RSRC1: variants seen among roughly 807,000 people sequenced by gnomAD.
The protein encoded by RSRC1 is arginine and serine rich coiled-coil 1.
In RSRC1, 39 loss-of-function variants were observed where a neutral mutation model predicts 49.1. That is an observed-to-expected ratio of 0.79 (90% CI 0.61 to 1.04). The LOEUF is 1.04. Among genes scored for constraint, RSRC1 ranks in the 50% least tolerant of loss-of-function variants. The pLI, the probability that RSRC1 is intolerant of heterozygous loss-of-function variation, is 0.00. For synonymous variants in RSRC1, 143 were observed against 130.8 expected, an observed-to-expected ratio of 1.09 and a Z score of -0.63; for missense variants, 388 against 402.4, an observed-to-expected ratio of 0.96 and a Z score of 0.31.
intron 3 of RSRC1, among the ~76,000 whole-genome samples, chr3:158,177,334 C>T (rs752598548): frequency 5.3e-5 from 8 of 152,180 alleles, no homozygotes; most frequent in Non-Finnish European, 7.3e-5. Flanking sequence ...TATAAAAACA[C>T]ATGCACACAT....
intron 3 of RSRC1, among the ~76,000 whole-genome samples, chr3:158,165,749 T>A (rs1419155907): frequency 6.6e-6 from 1 of 152,254 alleles, no homozygotes; most frequent in African/African-American, 2.4e-5. Flanking sequence ...CTGTCTCTTC[T>A]TATTCCATAT....
chr3:158,503,027 G>A (rs974462313), intron 7 of RSRC1, among the ~76,000 whole-genome samples: 4 of 152,128 alleles, frequency 2.6e-5, no homozygotes, highest in Admixed American at 2.6e-4. Flanking sequence ...TCTGTCAGAG[G>A]GAAGGTCTAG....
rs547176551 is a variant in RSRC1, at chr3:158,200,753, A to G, written c.321-2319A>G. Among the ~76,000 whole-genome samples, 4 of 152,222 alleles carry G rather than the reference A, an allele frequency of 2.6e-5. No individual in the cohort carries two copies. The East Asian group carries it at 7.7e-4, about 29-fold the overall frequency. On this transcript the variant is annotated intron_variant, in intron 3 of 9. Coordinates refer to ENST00000611884, the MANE Select transcript of RSRC1 (RefSeq NM_001271838.2). ...TCACCATTTAATGTGAAATATAGGA[A>G]CCTTTTAACAGTATAGGTTCATTTA...
chr3:158,412,778 C>T (rs572892577), intron 6 of RSRC1, among the ~76,000 whole-genome samples: 2 of 152,136 alleles, frequency 1.3e-5, no homozygotes, highest in East Asian at 1.9e-4. Context: ...CAAAGGAAAA[C>T]CCCATCTCTA....
intron 1 of RSRC1, among the ~76,000 whole-genome samples, chr3:158,113,017 A>G (rs370915094): frequency 3.3e-5 from 5 of 152,156 alleles, no homozygotes; most frequent in African/African-American, 9.7e-5. Flanking sequence ...ATGTATATGT[A>G]CCACATTTTC....
chr3:158,427,113 G>A (rs543561316), intron 6 of RSRC1, among the ~76,000 whole-genome samples: 1 of 151,774 alleles, frequency 6.6e-6, no homozygotes, highest in African/African-American at 2.4e-5. Context: ...CTTCTTGCCT[G>A]TGTAGAACAG....
intron 7 of RSRC1, among the ~76,000 whole-genome samples, chr3:158,532,465 G>T (rs1221064472): frequency 6.6e-6 from 1 of 151,776 alleles, no homozygotes; most frequent in Admixed American, 6.6e-5. Flanking sequence ...ATAACATTTG[G>T]TATTTTAAAA....
At chr3:158,128,628 AG>A (rs1404363897) in intron 3 of RSRC1, among the ~76,000 whole-genome samples, 1 of 152,212 alleles carries the variant, frequency 6.6e-6, no homozygotes, top group Non-Finnish European at 1.5e-5. Flanking sequence ...AATCGAAAGC[AG>A]GACATTAACA....
chr3:158,226,417 A>G (rs1392673892), intron 4 of RSRC1, among the ~76,000 whole-genome samples: 1 of 151,974 alleles, frequency 6.6e-6, no homozygotes, highest in Non-Finnish European at 1.5e-5. Flanking sequence ...AGTAATCAGC[A>G]TAATAAATTG....
intron 4 of RSRC1, among the ~76,000 whole-genome samples, chr3:158,221,055 T>C (rs827103): frequency 0.95 from 143,500 of 151,600 alleles, 68,016 homozygotes; most frequent in East Asian, 1. Context: ...TTGATATTAT[T>C]CAGTATTTGT....
chr3:158,115,746 A>G (rs943121940), intron 1 of RSRC1, among the ~76,000 whole-genome samples: 3 of 152,304 alleles, frequency 2.0e-5, no homozygotes, highest in Admixed American at 6.5e-5. Flanking sequence ...TCTTCATTCA[A>G]TCCACTGAGA....
intron 5 of RSRC1, among the ~76,000 whole-genome samples, chr3:158,330,890 A>G (rs908315439): frequency 4.3e-3 from 9 of 2,074 alleles, no homozygotes; most frequent in Non-Finnish European, 0.017. Context: ...TAACTTATTA[A>G]AAAAAAAAAA....
intron 5 of RSRC1, among the ~76,000 whole-genome samples, chr3:158,346,108 A>G (rs79822387): frequency 0.073 from 11,151 of 152,224 alleles, 481 homozygotes; most frequent in South Asian, 0.13. Flanking sequence ...ACTTCAGATT[A>G]GGTAAAGATT....
intron 7 of RSRC1, among the ~76,000 whole-genome samples, chr3:158,507,000 T>C (rs1739889864): frequency 6.6e-6 from 1 of 152,088 alleles, no homozygotes; most frequent in Non-Finnish European, 1.5e-5. Context: ...GTGCCATTAA[T>C]GGATGAATGG....
intron 4 of RSRC1, among the ~76,000 whole-genome samples, chr3:158,243,332 C>A (rs886824220): frequency 6.6e-6 from 1 of 152,044 alleles, no homozygotes; most frequent in Admixed American, 6.6e-5. Context: ...TTGTTTTTGT[C>A]AGGTTTGTCA....
intron 5 of RSRC1, among the ~76,000 whole-genome samples, chr3:158,333,537 G>A (rs1729684194): frequency 6.6e-6 from 1 of 152,056 alleles, no homozygotes; most frequent in Non-Finnish European, 1.5e-5. Flanking sequence ...TGTGTATTTT[G>A]AACACATTGG....
chr3:158,270,877 C>T (rs933537977), intron 4 of RSRC1, among the ~76,000 whole-genome samples: 5 of 152,122 alleles, frequency 3.3e-5, no homozygotes, highest in Non-Finnish European at 7.4e-5. Context: ...ATTTTTTCCT[C>T]CATCTTTTTA....
At chr3:158,196,164 T>C in intron 3 of RSRC1, among the ~76,000 whole-genome samples, 1 of 97,168 alleles carries the variant, frequency 1.0e-5, no homozygotes, top group East Asian at 4.2e-4. Flanking sequence ...TGTATTCTCT[T>C]TTATTTCGTT....
chr3:158,229,892 A>G (rs1454692985), intron 4 of RSRC1, among the ~76,000 whole-genome samples: 2 of 152,044 alleles, frequency 1.3e-5, no homozygotes, highest in Non-Finnish European at 2.9e-5. Flanking sequence ...CTAAAGTACA[A>G]TAATCAAAAT....
Sources: gnomAD v4.1 joint callset for allele counts (sites outside exome capture counted in the v4.1 genomes callset) on GRCh38, gnomAD v4.1.1 for gene constraint, MANE v1.5 for transcripts, NCBI Gene and HGNC (gene_info 2026-07-23, HGNC 2026-07-21) for gene names.